The following RNF17 variants were observed in gnomAD, a reference collection of about 807,000 sequenced individuals.
RNF17 encodes the protein spermatogenesis associated 23.
A neutral mutation model predicts 200.5 loss-of-function variants in RNF17; 31 were observed. That is an observed-to-expected ratio of 0.15 (90% CI 0.12 to 0.21). RNF17 has a LOEUF of 0.21. Among genes scored for constraint, RNF17 ranks in the 10% least tolerant of loss-of-function variants. The pLI is 1.00. For synonymous variants in RNF17, 606 were observed against 637.8 expected, an observed-to-expected ratio of 0.95 and a Z score of 0.75; for missense variants, 1,628 against 1,905.1, an observed-to-expected ratio of 0.85 and a Z score of 2.71.
At chr13:24,807,086 A>G (rs9511453) in intron 15 of RNF17, among the ~76,000 whole-genome samples, 150,612 of 151,254 alleles carry the variant, frequency 1, 74,988 homozygotes, top group Middle Eastern at 1. Context: ...CTTTGCTATC[A>G]TGAATAATGC....
At chr13:24,750,057 CTCTGTTTT>C in the RNF17 span, among the ~76,000 whole-genome samples, 1 of 152,090 alleles carries the variant, frequency 6.6e-6, no homozygotes, top group Admixed American at 6.6e-5. Flanking sequence ...TGGCCAATTG[CTCTGTTTT>C]TCACAAGGGA....
At chr13:24,825,556 T>C in intron 15 of RNF17, 63 bp from the exon 16 acceptor site, 1 of 1,047,486 alleles carries the variant, frequency 9.5e-7, no homozygotes, top group Non-Finnish European at 1.4e-6. Flanking sequence ...TGCTTGTAAT[T>C]CATTCAACAC....
chr13:24,775,577 G>A (rs921382854), intron 3 of RNF17, among the ~76,000 whole-genome samples: 5 of 152,132 alleles, frequency 3.3e-5, no homozygotes, highest in African/African-American at 1.2e-4. Flanking sequence ...AGTAGTGCAA[G>A]TATAGTACAA....
At chr13:24,820,498 C>T (rs528824709) in intron 15 of RNF17, among the ~76,000 whole-genome samples, 45 of 151,968 alleles carry the variant, frequency 3.0e-4, no homozygotes, top group African/African-American at 1.1e-3. Flanking sequence ...TACAGTGGTG[C>T]GATCTTGGCT....
At chr13:24,864,249 G>T (rs894815117) in intron 28 of RNF17, among the ~76,000 whole-genome samples, 34 of 152,192 alleles carry the variant, frequency 2.2e-4, no homozygotes, top group African/African-American at 6.8e-4. Context: ...TGGCAGAAGA[G>T]GGAATGGTAA....
At chr13:24,774,947 G>A (rs1881354708) in intron 3 of RNF17, 43 bp downstream of exon 3, 1 of 1,234,868 alleles carries the variant, frequency 8.1e-7, no homozygotes, top group Non-Finnish European at 1.2e-6. Flanking sequence ...AAGTCAATGT[G>A]TTACTGAAAT....
chr13:24,800,879 T>G (rs1885172557), intron 13 of RNF17, among the ~76,000 whole-genome samples: 2 of 152,202 alleles, frequency 1.3e-5, no homozygotes, highest in Admixed American at 6.5e-5. Context: ...ATTATTCTAT[T>G]TAATGGCCAT....
In RNF17 at chr13:24,825,694, G is replaced by A; in HGVS notation, c.2167G>A (p.Glu723Lys). Residue 723 changes from glutamate (E) to lysine (K), a missense_variant, in exon 16 of 36, where the codon GAA (glutamate) becomes AAA (lysine). This residue lies in a region of RNF17 where 289 missense variants were observed against 384.9 expected (regional missense o/e 0.75). Coordinates refer to ENST00000255324, the MANE Select transcript of RNF17 (RefSeq NM_031277.3). ...FYKSEDGENL[E>K]ILCPVQDQAC... ...TAAAAGTGAAGATGGAGAAAATCTG[G>A]AAATCCTCTGTCCAGTTCAAGATCA... 1 of 1,613,084 alleles carries A rather than the reference G, an allele frequency of 6.2e-7. No homozygotes were observed. Among genetic ancestry groups the A allele is most frequent in the East Asian group, 2.2e-5 (1 of 44,808 alleles).
chr13:24,887,368 G>A, the RNF17 span, among the ~76,000 whole-genome samples: 1 of 152,170 alleles, frequency 6.6e-6, no homozygotes, highest in African/African-American at 2.4e-5. Flanking sequence ...GCGGGTGGGC[G>A]AGCCAGCGAA....
At chr13:24,858,948 C>A in intron 25 of RNF17, 53 bp from the exon 26 acceptor site, 2 of 1,152,346 alleles carry the variant, frequency 1.7e-6, no homozygotes, top group Non-Finnish European at 2.5e-6. Flanking sequence ...ATTAAATTGA[C>A]AAATGATAGG....
chr13:24,882,826 CTGA>C, downstream of RNF17: 1 of 302,860 alleles, frequency 3.3e-6, no homozygotes, highest in South Asian at 3.3e-5. Flanking sequence ...TGCTCTACGG[CTGA>C]TGTGTCTGTG....
rs1164448929 is a variant in RNF17 at position 24,804,325 on chromosome 13, A to C, written c.1987A>C (p.Asn663His). The part of the protein sequence containing the change: ...SQSLRSHFEK[N>H]TTLHYHPPIL... The stretch of plus-strand genomic sequence containing the variant: ...ATCACTAAGAAGTCACTTTGAAAAA[A>C]ATACTACTTTACACTATCATCCACC... Residue 663 changes from asparagine to histidine, a missense_variant, in exon 15 of 36, where the codon AAT (asparagine) becomes CAT (histidine). Asn to His is a moderately conservative substitution (Grantham distance 68). Around this residue, in one of 5 missense-constraint regions of RNF17, gnomAD observed 289 missense variants for 384.9 expected, o/e 0.75. Coordinates refer to ENST00000255324, the MANE Select transcript of RNF17 (RefSeq NM_031277.3). 1.9e-6 allele frequency: 3 copies of C among 1,613,088 alleles called. No homozygotes were observed. Among genetic ancestry groups the C allele is most frequent in the East Asian group, 2.2e-5 (1 of 44,854 alleles).
At chr13:24,840,846 C>T (rs920295846) in intron 18 of RNF17, among the ~76,000 whole-genome samples, 8 of 152,162 alleles carry the variant, frequency 5.3e-5, no homozygotes, top group Middle Eastern at 3.4e-3. Context: ...AGAACTTACT[C>T]GTTTAACCAA....
At chr13:24,812,179 G>A (rs990690470) in intron 15 of RNF17, among the ~76,000 whole-genome samples, 1 of 146,724 alleles carries the variant, frequency 6.8e-6, no homozygotes, top group Non-Finnish European at 1.5e-5. Context: ...CCCAGTTCGA[G>A]CTTCCTGGCT....
chr13:24,771,122 A>T (rs1177556162), intron 2 of RNF17, among the ~76,000 whole-genome samples: 4 of 151,518 alleles, frequency 2.6e-5, no homozygotes, highest in Non-Finnish European at 1.5e-5. Flanking sequence ...TTTCCTTTTG[A>T]ATTGTCTTTT....
upstream of RNF17, among the ~76,000 whole-genome samples, chr13:24,760,157 G>A (rs536405055): frequency 1.3e-5 from 2 of 151,992 alleles, no homozygotes; most frequent in Non-Finnish European, 2.9e-5. Context: ...TATATATATA[G>A]TCTTAGTTTT....
chr13:24,874,762 C>T (rs1403588965), intron 33 of RNF17, among the ~76,000 whole-genome samples: 1 of 152,132 alleles, frequency 6.6e-6, no homozygotes, highest in Non-Finnish European at 1.5e-5. Flanking sequence ...AATACATTCA[C>T]AAGGTTATAC....
the RNF17 span, among the ~76,000 whole-genome samples, chr13:24,749,422 G>A: frequency 6.8e-6 from 1 of 146,576 alleles, no homozygotes; most frequent in African/African-American, 2.5e-5. Context: ...TCCTTCCTCA[G>A]CCTCCCAAGT....
intron 9 of RNF17, among the ~76,000 whole-genome samples, chr13:24,789,974 T>C (rs1480504685): frequency 6.6e-6 from 1 of 152,132 alleles, no homozygotes; most frequent in African/African-American, 2.4e-5. Context: ...GTCGAAGTTA[T>C]CTTTGAGATT....
Sources: gnomAD v4.1 joint callset for allele counts (sites outside exome capture counted in the v4.1 genomes callset) on GRCh38, gnomAD v4.1.1 for gene constraint, gnomAD v4.1.1 regional missense constraint, MANE v1.5 for transcripts, NCBI Gene and HGNC (gene_info 2026-07-23, HGNC 2026-07-21) for gene names.